ADAM18: variants seen among roughly 807,000 people sequenced by gnomAD.
The protein encoded by ADAM18 is disintegrin and metalloproteinase domain-containing protein 18.
A neutral mutation model predicts 94.4 loss-of-function variants in ADAM18; 117 were observed. The ratio of observed to expected loss-of-function variants is 1.24; its 90% CI spans 1.07 to 1.45. ADAM18 has a LOEUF of 1.45. Among genes scored for constraint, ADAM18 ranks in the 40% most tolerant of loss-of-function variants. The pLI is 0.00. For synonymous variants in ADAM18, 327 were observed against 291.6 expected, an observed-to-expected ratio of 1.12 and a Z score of -1.24; for missense variants, 936 against 880.0, an observed-to-expected ratio of 1.06 and a Z score of -0.81.
intron 1 of ADAM18, 144 bp downstream of exon 1, chr8:39,584,821 C>T (rs1420579025): frequency 1.0e-6 from 1 of 956,454 alleles, no homozygotes; most frequent in African/African-American, 1.6e-5. Flanking sequence ...TCAGGGACAC[C>T]TTTCCACGCC....
At chr8:39,627,923 C>T (rs1490673665) in intron 6 of ADAM18, among the ~76,000 whole-genome samples, 1 of 151,786 alleles carries the variant, frequency 6.6e-6, no homozygotes, top group African/African-American at 2.4e-5. Flanking sequence ...TAACAAATTC[C>T]CTTAGCATTT....
intron 14 of ADAM18, among the ~76,000 whole-genome samples, chr8:39,670,312 G>T (rs929617422): frequency 4.6e-5 from 7 of 152,038 alleles, no homozygotes; most frequent in African/African-American, 1.7e-4. Flanking sequence ...TAGTATGAAT[G>T]CATCAAAAAT....
intron 13 of ADAM18, among the ~76,000 whole-genome samples, chr8:39,664,754 TTACATAATTATATATTG>T (rs1820946367): frequency 6.6e-6 from 1 of 152,128 alleles, no homozygotes; most frequent in Non-Finnish European, 1.5e-5. Flanking sequence ...ATTGGAATGA[TTACATAATTATATATTG>T]TACAAGAGTT....
intron 12 of ADAM18, among the ~76,000 whole-genome samples, chr8:39,660,372 G>A (rs1404944792): frequency 6.6e-6 from 1 of 152,028 alleles, no homozygotes; most frequent in East Asian, 1.9e-4. Flanking sequence ...TTAGCTTTAA[G>A]GACCCACATA....
At chr8:39,590,240 G>T (rs1200332191) in intron 2 of ADAM18, among the ~76,000 whole-genome samples, 1 of 151,928 alleles carries the variant, frequency 6.6e-6, no homozygotes, top group Non-Finnish European at 1.5e-5. Flanking sequence ...ATACACCATG[G>T]AATACTATGC....
chr8:39,593,796 C>G, intron 2 of ADAM18, among the ~76,000 whole-genome samples: 1 of 152,080 alleles, frequency 6.6e-6, no homozygotes, highest in East Asian at 1.9e-4. Context: ...TGATAAATAT[C>G]TTTGCATTAT....
chr8:39,617,456 C>T (rs1368366539), intron 6 of ADAM18, among the ~76,000 whole-genome samples: 2 of 152,122 alleles, frequency 1.3e-5, no homozygotes, highest in African/African-American at 2.4e-5. Context: ...GAACATGGAA[C>T]TATCATTCGA....
At chr8:39,719,552 A>G (rs1347086168) in intron 18 of ADAM18, among the ~76,000 whole-genome samples, 1 of 151,466 alleles carries the variant, frequency 6.6e-6, no homozygotes, top group Non-Finnish European at 1.5e-5. Context: ...AAATATTTGT[A>G]AAATATATAC....
At chr8:39,608,177 ATATATC>A (rs139512253) in intron 3 of ADAM18, among the ~76,000 whole-genome samples, 4 of 151,906 alleles carry the variant, frequency 2.6e-5, no homozygotes, top group Non-Finnish European at 4.4e-5. Context: ...TGTATTCAAA[ATATATC>A]TATATCTATA....
At chr8:39,651,126 A>G (rs1563291340) in intron 12 of ADAM18, among the ~76,000 whole-genome samples, 1 of 152,228 alleles carries the variant, frequency 6.6e-6, no homozygotes, top group African/African-American at 2.4e-5. Flanking sequence ...GTGTATATAC[A>G]TAAACATCTC....
chr8:39,702,710 A>G (rs1309492545), intron 17 of ADAM18, among the ~76,000 whole-genome samples: 1 of 152,184 alleles, frequency 6.6e-6, no homozygotes, highest in Non-Finnish European at 1.5e-5. Context: ...ATGGCTAGCC[A>G]GTTATCTCAG....
chr8:39,702,865 A>G (rs1208068227), intron 17 of ADAM18, among the ~76,000 whole-genome samples: 1 of 152,180 alleles, frequency 6.6e-6, no homozygotes, highest in African/African-American at 2.4e-5. Context: ...TACCAGTACT[A>G]TGCAGTTTTG....
chr8:39,678,643 C>T (rs1433191532), intron 15 of ADAM18, among the ~76,000 whole-genome samples: 1 of 152,106 alleles, frequency 6.6e-6, no homozygotes, highest in African/African-American at 2.4e-5. Context: ...ATGACAACCC[C>T]ACTTAATCTT....
chr8:39,586,476 C>T (rs1485206792), intron 2 of ADAM18, among the ~76,000 whole-genome samples: 3 of 152,126 alleles, frequency 2.0e-5, no homozygotes, highest in Admixed American at 2.0e-4. Flanking sequence ...AACACAATCC[C>T]ATCCCAACAC....
At chr8:39,727,854 A>G (rs921403290) in intron 19 of ADAM18, among the ~76,000 whole-genome samples, 7 of 152,068 alleles carry the variant, frequency 4.6e-5, no homozygotes, top group African/African-American at 7.2e-5. Context: ...CAAATTTTCT[A>G]TGTTAGGCCA....
intron 11 of ADAM18, among the ~76,000 whole-genome samples, chr8:39,646,649 G>T (rs998287341): frequency 3.3e-5 from 5 of 152,088 alleles, no homozygotes; most frequent in Non-Finnish European, 7.4e-5. Context: ...AACAGACATG[G>T]TTGTCATAAG....
intron 18 of ADAM18, among the ~76,000 whole-genome samples, chr8:39,717,562 A>G (rs1007741026): frequency 6.6e-6 from 1 of 151,774 alleles, no homozygotes; most frequent in Admixed American, 6.6e-5. Context: ...GAAAGTCTTT[A>G]CAAAAGAATG....
chr8:39,708,570 T>A (rs1822305086), intron 18 of ADAM18, among the ~76,000 whole-genome samples: 1 of 152,190 alleles, frequency 6.6e-6, no homozygotes, highest in Admixed American at 6.5e-5. Flanking sequence ...GCTTTATTTG[T>A]TTCTATAAAT....
rs1822178026 is a variant in ADAM18, at chr8:39,704,408, G to T, written c.1903-2382G>T. Among the ~76,000 whole-genome samples, 2 of 151,980 alleles carry T rather than the reference G, an allele frequency of 1.3e-5. 1 individual carries two copies. The highest frequency in any genetic ancestry group is 4.1e-4 in the South Asian group (2 of 4,826). ...AGGATGCAAGGTTGGTTCAACATATGGAAATCAATAGATGTGATTCATCAC... is the reference window on the plus strand; with the variant it reads ...AGGATGCAAGGTTGGTTCAACATATTGAAATCAATAGATGTGATTCATCAC... On this transcript the variant is annotated intron_variant, in intron 17 of 19. Coordinates refer to ENST00000265707, the MANE Select transcript of ADAM18 (RefSeq NM_014237.3).
Sources: allele counts gnomAD v4.1 joint callset (sites outside exome capture counted in the v4.1 genomes callset), GRCh38; gene constraint gnomAD v4.1.1; transcripts MANE v1.5; gene names NCBI Gene and HGNC (gene_info 2026-07-23, HGNC 2026-07-21).